The following HIBADH variants were observed in gnomAD, a reference collection of about 807,000 sequenced individuals.
HIBADH encodes the protein 3-hydroxyisobutyrate dehydrogenase, also known as 3-hydroxyisobutyrate dehydrogenase, mitochondrial.
A neutral mutation model predicts 36.1 loss-of-function variants in HIBADH; 25 were observed. The observed-to-expected ratio is 0.69, with a 90% CI of 0.50 to 0.97. HIBADH has a LOEUF of 0.97. HIBADH is among the 50% of genes least tolerant of loss of function. The probability of loss-of-function intolerance (pLI) is 0.00; values close to 1 mark genes in which losing one functional copy is unlikely to be tolerated. For synonymous variants in HIBADH, 160 were observed against 149.5 expected (o/e 1.07, Z -0.51); for missense variants, 421 against 418.0 (o/e 1.01, Z -0.06).
intron 4 of HIBADH, among the ~76,000 whole-genome samples, chr7:27,596,632 T>C (rs1346335761): frequency 6.6e-6 from 1 of 152,210 alleles, no homozygotes. Flanking sequence ...GCCTACAAAA[T>C]AAAATATTTT....
intron 4 of HIBADH, among the ~76,000 whole-genome samples, chr7:27,614,476 G>A (rs1052387982): frequency 2.6e-5 from 4 of 152,152 alleles, no homozygotes; most frequent in African/African-American, 9.7e-5. Flanking sequence ...AAAGATTCTT[G>A]ATTCAACCAA....
At chr7:27,649,367 G>A (rs1786135679) in intron 2 of HIBADH, 106 bp downstream of exon 2, 2 of 791,164 alleles carry the variant, frequency 2.5e-6, no homozygotes, top group African/African-American at 3.5e-5. Flanking sequence ...CACTGAATTA[G>A]GTTTACAACT....
chr7:27,645,537 C>T (rs1583617603), intron 2 of HIBADH, among the ~76,000 whole-genome samples: 1 of 151,806 alleles, frequency 6.6e-6, no homozygotes, highest in African/African-American at 2.4e-5. Flanking sequence ...CACCACCACA[C>T]TTGGCTAATT....
At chr7:27,657,104 A>T (rs1786320753) in intron 1 of HIBADH, among the ~76,000 whole-genome samples, 2 of 152,204 alleles carry the variant, frequency 1.3e-5, no homozygotes, top group African/African-American at 4.8e-5. Flanking sequence ...TGTAATGGGG[A>T]ATAAACAAGA....
At chr7:27,614,649 A>G (rs964106433) in intron 4 of HIBADH, among the ~76,000 whole-genome samples, 21 of 152,344 alleles carry the variant, frequency 1.4e-4, no homozygotes, top group African/African-American at 4.6e-4. Flanking sequence ...GTTGCTATAT[A>G]AAAATCCTCT....
intron 1 of HIBADH, among the ~76,000 whole-genome samples, chr7:27,656,712 T>A (rs1478452213): frequency 6.6e-6 from 1 of 152,254 alleles, no homozygotes; most frequent in East Asian, 1.9e-4. Context: ...TCCCATTTTT[T>A]ACCATGAGCA....
chr7:27,579,471 A>C (rs886819818), intron 4 of HIBADH, among the ~76,000 whole-genome samples: 1 of 152,238 alleles, frequency 6.6e-6, no homozygotes, highest in South Asian at 2.1e-4. Flanking sequence ...AAAAGGGCAG[A>C]AAGTGAAGGA....
At chr7:27,570,283 A>G (rs769535086) in intron 4 of HIBADH, among the ~76,000 whole-genome samples, 9 of 152,164 alleles carry the variant, frequency 5.9e-5, no homozygotes, top group Non-Finnish European at 8.8e-5. Flanking sequence ...CACAACTGGA[A>G]CCTACTATCA....
intron 6 of HIBADH, among the ~76,000 whole-genome samples, chr7:27,533,254 C>A (rs1583556170): frequency 1.3e-5 from 2 of 152,254 alleles, no homozygotes; most frequent in East Asian, 3.9e-4. Flanking sequence ...ATTATCCTAA[C>A]TTTGTAAAAC....
chr7:27,529,584 G>C (rs1416615492), intron 7 of HIBADH, among the ~76,000 whole-genome samples: 1 of 152,194 alleles, frequency 6.6e-6, no homozygotes, highest in South Asian at 2.1e-4. Flanking sequence ...CTACAATCTT[G>C]TGCTAAACTT....
intron 4 of HIBADH, among the ~76,000 whole-genome samples, chr7:27,592,811 A>G (rs1184936678): frequency 2.2e-5 from 2 of 91,518 alleles, no homozygotes; most frequent in Non-Finnish European, 4.1e-5. Flanking sequence ...CTGTCTCCTT[A>G]CTTAAAACTT....
At chr7:27,586,764 G>C (rs1049026362) in intron 4 of HIBADH, among the ~76,000 whole-genome samples, 1 of 152,112 alleles carries the variant, frequency 6.6e-6, no homozygotes, top group African/African-American at 2.4e-5. Flanking sequence ...TGACCACCTC[G>C]ACTTTCCTGG....
intron 1 of HIBADH, among the ~76,000 whole-genome samples, chr7:27,657,373 AAGGG>A (rs1786325588): frequency 6.6e-6 from 1 of 152,166 alleles, no homozygotes; most frequent in African/African-American, 2.4e-5. Flanking sequence ...CTTGGAGGAA[AAGGG>A]AGGGAGTCAA....
intron 4 of HIBADH, among the ~76,000 whole-genome samples, chr7:27,573,918 TTTC>T (rs1442410051): frequency 2.0e-5 from 3 of 152,218 alleles, no homozygotes; most frequent in Admixed American, 6.5e-5. Flanking sequence ...CTCACCTGTG[TTTC>T]TTATTACTTT....
At chr7:27,548,663 C>A (rs373200230) in intron 4 of HIBADH, among the ~76,000 whole-genome samples, 1 of 152,084 alleles carries the variant, frequency 6.6e-6, no homozygotes, top group Non-Finnish European at 1.5e-5. Context: ...ATATGACCAT[C>A]ACAGACAGTC....
intron 4 of HIBADH, among the ~76,000 whole-genome samples, chr7:27,575,497 T>G (rs1784695167): frequency 1.3e-5 from 2 of 152,090 alleles, no homozygotes; most frequent in Non-Finnish European, 2.9e-5. Context: ...TGGGCTGGAC[T>G]GGGTGAGCAT....
At chr7:27,610,814 T>C (rs775619847) in intron 4 of HIBADH, among the ~76,000 whole-genome samples, 89 of 152,158 alleles carry the variant, frequency 5.8e-4, no homozygotes, top group Non-Finnish European at 1.0e-3. Flanking sequence ...TTAACTATAA[T>C]AGTGTTAGGT....
chr7:27,543,147 T>C (rs988603091), intron 4 of HIBADH, 47 bp from the exon 5 acceptor site: 2 of 1,600,606 alleles, frequency 1.2e-6, no homozygotes, highest in South Asian at 2.2e-5. Flanking sequence ...AATATATTTC[T>C]TAAAATGTTT....
intron 2 of HIBADH, among the ~76,000 whole-genome samples, chr7:27,638,983 C>T (rs1366322591): frequency 6.6e-6 from 1 of 152,178 alleles, no homozygotes; most frequent in Non-Finnish European, 1.5e-5. Flanking sequence ...CATTTATACA[C>T]CGCTGGTGGG....
Sources: allele counts gnomAD v4.1 joint callset (sites outside exome capture counted in the v4.1 genomes callset), GRCh38; gene constraint gnomAD v4.1.1; transcripts MANE v1.5; gene names NCBI Gene and HGNC (gene_info 2026-07-23, HGNC 2026-07-21).